SMYD3: variants seen among roughly 807,000 people sequenced by gnomAD.
SMYD3 encodes SET and MYND domain containing 3, also known as histone-lysine N-methyltransferase SMYD3.
Under a neutral mutation model 57.7 loss-of-function variants are expected in SMYD3, and 36 were observed. That is an observed-to-expected ratio of 0.62 (90% CI 0.48 to 0.82). The LOEUF is 0.82. Ranked by LOEUF, SMYD3 falls within the 40% of genes least tolerant of loss-of-function variation. The pLI, the probability that SMYD3 is intolerant of heterozygous loss-of-function variation, is 0.00. For missense variants in SMYD3, 515 were observed against 538.8 expected (o/e 0.96, Z 0.44); for synonymous variants, 211 against 195.0 (o/e 1.08, Z -0.68).
intron 5 of SMYD3, among the ~76,000 whole-genome samples, chr1:246,014,777 A>G (rs941516940): frequency 2.6e-5 from 4 of 152,100 alleles, no homozygotes; most frequent in South Asian, 2.1e-4. Flanking sequence ...GACATCCTGA[A>G]CTGAAGAAGC....
intron 5 of SMYD3, among the ~76,000 whole-genome samples, chr1:246,010,762 TTAGATA>T (rs2059266584): frequency 6.6e-6 from 1 of 152,202 alleles, no homozygotes; most frequent in Non-Finnish European, 1.5e-5. Context: ...TTAGAAGGCA[TTAGATA>T]TTAACTATGG....
At chr1:245,790,264 G>A (rs1379308787) in intron 10 of SMYD3, among the ~76,000 whole-genome samples, 1 of 152,210 alleles carries the variant, frequency 6.6e-6, no homozygotes, top group African/African-American at 2.4e-5. Context: ...GCAACACTGA[G>A]AATTCAACGA....
At chr1:246,175,645 C>CA (rs1019671773) in intron 5 of SMYD3, among the ~76,000 whole-genome samples, 2 of 152,156 alleles carry the variant, frequency 1.3e-5, no homozygotes, top group African/African-American at 4.8e-5. Context: ...TTTGGGGAAA[C>CA]AGAGTATCTT....
At chr1:246,370,378 C>T (rs1260071201) in intron 1 of SMYD3, among the ~76,000 whole-genome samples, 1 of 152,158 alleles carries the variant, frequency 6.6e-6, no homozygotes, top group Non-Finnish European at 1.5e-5. Context: ...GGAAATGTCA[C>T]TTTCTGATGA....
intron 8 of SMYD3, among the ~76,000 whole-genome samples, chr1:245,874,814 C>T (rs896220051): frequency 1.3e-5 from 2 of 152,220 alleles, no homozygotes; most frequent in African/African-American, 4.8e-5. Context: ...TGAATCAATC[C>T]ATACAGAGAT....
chr1:245,779,033 G>A lies in SMYD3; in HGVS notation c.1077-14884C>T, dbSNP rs371838339. On this transcript the variant is annotated intron_variant, in intron 10 of 11. Transcript: ENST00000490107. ...ATATTAGCTGGGTGTGGTGGCATGC[G>A]CTTGTAGTCCCAGCTAATTGAGAGG... Among the ~76,000 whole-genome samples the A allele has an allele frequency of 1.3e-4, 20 of 151,918 alleles. No homozygotes were observed. The East Asian group carries it at 2.1e-3, about 16-fold the overall frequency.
At chr1:245,871,719 A>G (rs940382589) in intron 8 of SMYD3, among the ~76,000 whole-genome samples, 2 of 152,034 alleles carry the variant, frequency 1.3e-5, no homozygotes, top group African/African-American at 2.4e-5. Context: ...CAGAGGCCCA[A>G]TTTCTTCAGT....
intron 5 of SMYD3, among the ~76,000 whole-genome samples, chr1:246,197,563 A>C (rs2062844561): frequency 6.6e-6 from 1 of 151,632 alleles, no homozygotes; most frequent in Admixed American, 6.6e-5. Flanking sequence ...TATTCCTCCA[A>C]ACTGTCAAGG....
intron 5 of SMYD3, among the ~76,000 whole-genome samples, chr1:246,292,022 T>C (rs1449794233): frequency 8.9e-5 from 12 of 134,406 alleles, no homozygotes; most frequent in Admixed American, 2.2e-4. Context: ...AACACACCAG[T>C]ACCTTAGACT....
intron 1 of SMYD3, among the ~76,000 whole-genome samples, chr1:246,470,425 G>T (rs1457461866): frequency 6.6e-6 from 1 of 151,554 alleles, no homozygotes; most frequent in Admixed American, 6.6e-5. Flanking sequence ...GAACGTGGAA[G>T]GCGGAGGTTG....
intron 11 of SMYD3, among the ~76,000 whole-genome samples, chr1:245,761,524 T>C (rs1013185636): frequency 6.6e-6 from 1 of 152,190 alleles, no homozygotes; most frequent in African/African-American, 2.4e-5. Flanking sequence ...CTTCAGAAGT[T>C]CTGTATGCAA....
chr1:246,045,630 T>C (rs969637416), intron 5 of SMYD3, among the ~76,000 whole-genome samples: 2 of 151,980 alleles, frequency 1.3e-5, no homozygotes, highest in Non-Finnish European at 2.9e-5. Flanking sequence ...AATTGACAAA[T>C]GGGATCTAAT....
intron 7 of SMYD3, among the ~76,000 whole-genome samples, chr1:245,923,111 AACTC>A (rs2056101137): frequency 1.3e-5 from 2 of 152,154 alleles, no homozygotes; most frequent in African/African-American, 4.8e-5. Context: ...AGTTGAGAAA[AACTC>A]ACACTACAGC....
chr1:246,423,817 G>A (rs1442831568), intron 1 of SMYD3, among the ~76,000 whole-genome samples: 2 of 152,130 alleles, frequency 1.3e-5, no homozygotes, highest in African/African-American at 4.8e-5. Context: ...CTAAGTTTCA[G>A]AACAAGTAGA....
chr1:246,030,086 A>C (rs1406271622), intron 5 of SMYD3, among the ~76,000 whole-genome samples: 1 of 151,734 alleles, frequency 6.6e-6, no homozygotes, highest in Admixed American at 6.6e-5. Context: ...CACTATTCAC[A>C]ATAGCTAAGA....
intron 5 of SMYD3, among the ~76,000 whole-genome samples, chr1:245,961,798 A>G (rs1478158050): frequency 6.6e-6 from 1 of 152,150 alleles, no homozygotes; most frequent in African/African-American, 2.4e-5. Flanking sequence ...ATGTATTTTG[A>G]GACTGAGAAT....
intron 5 of SMYD3, among the ~76,000 whole-genome samples, chr1:246,231,063 G>A (rs917274946): frequency 3.3e-5 from 5 of 151,982 alleles, no homozygotes; most frequent in Non-Finnish European, 5.9e-5. Flanking sequence ...GAATTTTTCC[G>A]ATTACAGACT....
chr1:246,003,125 C>T (rs528362594), intron 5 of SMYD3, among the ~76,000 whole-genome samples: 1 of 152,002 alleles, frequency 6.6e-6, no homozygotes, highest in Non-Finnish European at 1.5e-5. Flanking sequence ...GAGGGAAAGA[C>T]GGTAAAGGGG....
chr1:245,867,064 T>C (rs561599119), intron 8 of SMYD3, among the ~76,000 whole-genome samples: 1 of 152,220 alleles, frequency 6.6e-6, no homozygotes, highest in South Asian at 2.1e-4. Context: ...AAAGGGGAAT[T>C]AAGTTGTAGA....
Sources: gnomAD v4.1 joint callset for allele counts (sites outside exome capture counted in the v4.1 genomes callset) on GRCh38, gnomAD v4.1.1 for gene constraint, MANE v1.5 for transcripts, NCBI Gene and HGNC (gene_info 2026-07-23, HGNC 2026-07-21) for gene names.